The following ARPIN variants were observed in gnomAD, a reference collection of about 807,000 sequenced individuals.
ARPIN encodes the protein actin related protein 2/3 complex inhibitor.
A neutral mutation model predicts 25.9 loss-of-function variants in ARPIN; 23 were observed. The ratio of observed to expected loss-of-function variants is 0.89; its 90% CI spans 0.64 to 1.26. The LOEUF is 1.26. ARPIN is among the 50% of genes most tolerant of loss of function. ARPIN has a pLI of 0.00. For synonymous variants in ARPIN, 126 were observed against 131.4 expected, an observed-to-expected ratio of 0.96 and a Z score of 0.28; for missense variants, 333 against 312.2, an observed-to-expected ratio of 1.07 and a Z score of -0.50.
At chr15:89,907,057 G>GTATT (rs1555449750) in intron 3 of ARPIN, among the ~76,000 whole-genome samples, 1 of 149,316 alleles carries the variant, frequency 6.7e-6, no homozygotes, top group Non-Finnish European at 1.5e-5. Flanking sequence ...CCATCAAAAA[G>GTATT]TATTATTATT....
chr15:89,909,597 T>C (rs1321382647), intron 2 of ARPIN, among the ~76,000 whole-genome samples: 1 of 152,200 alleles, frequency 6.6e-6, no homozygotes, highest in Non-Finnish European at 1.5e-5. Flanking sequence ...CTGAAAGGTT[T>C]CTGAGCAGCA....
chr15:89,907,145 T>C (rs1897135494), intron 3 of ARPIN, among the ~76,000 whole-genome samples: 1 of 151,646 alleles, frequency 6.6e-6, no homozygotes, highest in Admixed American at 6.6e-5. Context: ...CTCGGCTCAC[T>C]GCACCTCCAC....
chr15:89,908,929 G>A (rs1897176349), intron 2 of ARPIN, among the ~76,000 whole-genome samples: 1 of 152,274 alleles, frequency 6.6e-6, no homozygotes, highest in African/African-American at 2.4e-5. Flanking sequence ...GTTGCTGTAA[G>A]CCGAGATCCT....
intron 1 of ARPIN, 36 bp downstream of exon 1, chr15:89,912,708 G>C (rs1256836): frequency 0.77 from 1,016,685 of 1,323,068 alleles, 399,319 homozygotes; most frequent in Non-Finnish European, 0.8. Flanking sequence ...AGCCGGGGCA[G>C]GGGAGGCCGA....
intron 2 of ARPIN, among the ~76,000 whole-genome samples, chr15:89,908,969 T>A (rs1266573510): frequency 6.6e-6 from 1 of 152,090 alleles, no homozygotes; most frequent in Non-Finnish European, 1.5e-5. Context: ...GGAGACAGAA[T>A]GAGACTTCAT....
At position 89,896,633 on chromosome 15, in the gene ARPIN, CGTT is replaced by C. The variant is rs1896935268; in HGVS notation, c.*5159_*5161del. On this transcript the variant is annotated 3_prime_UTR_variant, in exon 6 of 6. Coordinates refer to ENST00000357484, the MANE Select transcript of ARPIN (RefSeq NM_182616.4). ...AAAAAGAATTATTTAATGGAAAAATCGTTGTTAAAATATGGCAAATGGTTATAT... is the reference window on the plus strand; with the variant it reads ...AAAAAGAATTATTTAATGGAAAAATCGTTAAAATATGGCAAATGGTTATAT... The C allele has an allele frequency of 6.6e-6, 1 of 151,816 alleles. No individual in the cohort carries two copies. The highest frequency in any genetic ancestry group is 2.4e-5 in the African/African-American group (1 of 41,322). The allele number at this position is 151,816 out of a possible 1,614,324, so 9.4% of individuals were successfully genotyped here. A position where few individuals can be genotyped will look rare whatever the true frequency, so the allele number is the denominator to read the frequency against.
At chr15:89,909,016 C>A (rs1897177878) in intron 2 of ARPIN, among the ~76,000 whole-genome samples, 2 of 151,996 alleles carry the variant, frequency 1.3e-5, no homozygotes, top group Non-Finnish European at 2.9e-5. Context: ...AAAACCATAA[C>A]CCAAGCCCGA....
chr15:89,902,104 G>C (rs1186070410), intron 5 of ARPIN, among the ~76,000 whole-genome samples: 1 of 152,142 alleles, frequency 6.6e-6, no homozygotes, highest in Admixed American at 6.6e-5. Flanking sequence ...CTGTGACTTC[G>C]TTGCTTCAGA....
rs1896979104 is a variant in ARPIN, at chr15:89,899,220, A to C, written c.*2575T>G. The stretch of plus-strand genomic sequence containing the variant: ...TGCCTCAGCCTCCCAAGGCGCTGGA[A>C]CTACAGGCATGTGCCACCATGTCCG... On this transcript the variant is annotated 3_prime_UTR_variant, in exon 6 of 6. Transcript: ENST00000357484. 1 of 152,006 alleles carries C rather than the reference A, an allele frequency of 6.6e-6. No homozygotes were observed. Among genetic ancestry groups the C allele is most frequent in the South Asian group, 2.1e-4 (1 of 4,824 alleles). The allele number at this position is 152,006 out of a possible 1,614,324, so 9.4% of individuals were successfully genotyped here.
chr15:89,908,562 G>A, intron 2 of ARPIN, 150 bp from the exon 3 acceptor site: 1 of 1,359,664 alleles, frequency 7.4e-7, no homozygotes, highest in Non-Finnish European at 9.9e-7. Context: ...TGCTCCCTCT[G>A]CCCCCAAATA....
chr15:89,912,117 G>A (rs1237895005), intron 1 of ARPIN: 2 of 855,500 alleles, frequency 2.3e-6, no homozygotes, highest in East Asian at 1.2e-4. Flanking sequence ...CACAGCGCCT[G>A]GTCTGTTCTG....
At chr15:89,908,151 G>A (rs749936527) in intron 3 of ARPIN, 129 bp downstream of exon 3, 15 of 1,449,832 alleles carry the variant, frequency 1.0e-5, no homozygotes, top group Admixed American at 7.0e-5. Context: ...GAAGCCTCAG[G>A]CCACATACAG....
chr15:89,909,610 G>A (rs1897188290), intron 2 of ARPIN, among the ~76,000 whole-genome samples: 1 of 152,230 alleles, frequency 6.6e-6, no homozygotes, highest in Admixed American at 6.5e-5. Context: ...GAGCAGCAGT[G>A]AGACCCTCAG....
At chr15:89,910,328 G>A (rs542281489) in intron 2 of ARPIN, among the ~76,000 whole-genome samples, 2 of 152,258 alleles carry the variant, frequency 1.3e-5, no homozygotes, top group East Asian at 1.9e-4. Context: ...TAAATGCCAG[G>A]TGTACCCACA....
chr15:89,895,448 G>A lies in ARPIN; in HGVS notation c.*6347C>T, dbSNP rs146712648. The A allele has an allele frequency of 6.6e-6, 1 of 152,330 alleles. No individual in the cohort carries two copies. Among genetic ancestry groups the A allele is most frequent in the East Asian group, 1.9e-4 (1 of 5,180 alleles). The allele number at this position is 152,330 out of a possible 1,614,324, so 9.4% of individuals were successfully genotyped here. A position where few individuals can be genotyped will look rare whatever the true frequency, so the allele number is the denominator to read the frequency against. ...ACCACACTGCCCTGATTCAAAGCAT[G>A]GTTCTGCGGACTGCCTGGGCACCCT... On this transcript the variant is annotated 3_prime_UTR_variant, in exon 6 of 6. Coordinates refer to ENST00000357484, the MANE Select transcript of ARPIN (RefSeq NM_182616.4).
Position 89,903,916 on chromosome 15 carries a change from T to C in ARPIN, c.369A>G (p.Pro123=), listed in dbSNP as rs776793896. ...GGCTCTCTGTCAGCGCGAGCAGCTCTGGCTTGTTGACCAGCCCCTTCAGCG... is the reference window on the plus strand; with the variant it reads ...GGCTCTCTGTCAGCGCGAGCAGCTCCGGCTTGTTGACCAGCCCCTTCAGCG... ...PEALKGLVNK[P]ELLALTESLT... The change falls in exon 4 of 6, where the codon CCA becomes CCG. Residue 123 remains proline, a synonymous_variant. Transcript: ENST00000357484. 1.2e-6 allele frequency: 2 copies of C among 1,613,328 alleles called. No individual in the cohort carries two copies. Among genetic ancestry groups the C allele is most frequent in the South Asian group, 2.2e-5 (2 of 91,090 alleles).
rs766646812 is a variant in ARPIN, at chr15:89,903,843, C to G, written c.442G>C (p.Glu148Gln). Reference sequence around the variant, plus strand: ...GCCCCCAGCTCGAGTTCCATCACCTCCATCTCTGACTCGGGCATCCAGAAC... The same window carrying G: ...GCCCCCAGCTCGAGTTCCATCACCTGCATCTCTGACTCGGGCATCCAGAAC... Reference protein sequence around the residue: ...VAFWMPESEMEVMELELGAGV... With the variant: ...VAFWMPESEMQVMELELGAGV... Residue 148 changes from glutamate to glutamine, a missense_variant, in exon 4 of 6, where the codon GAG becomes CAG. By Grantham distance (29) the Glu-to-Gln change is conservative. Coordinates refer to ENST00000357484, the MANE Select transcript of ARPIN (RefSeq NM_182616.4). 6.2e-7 allele frequency: 1 copy of G among 1,614,200 alleles called. No homozygotes were observed. Among genetic ancestry groups the G allele is most frequent in the Non-Finnish European group, 8.5e-7 (1 of 1,180,036 alleles).
At chr15:89,907,348 A>G (rs1205760325) in intron 3 of ARPIN, among the ~76,000 whole-genome samples, 1 of 152,136 alleles carries the variant, frequency 6.6e-6, no homozygotes, top group Admixed American at 6.6e-5. Context: ...GATTATAGGC[A>G]TGAGCCACCA....
At chr15:89,911,872 G>C (rs1897229576) in intron 1 of ARPIN, among the ~76,000 whole-genome samples, 2 of 152,090 alleles carry the variant, frequency 1.3e-5, no homozygotes, top group African/African-American at 2.4e-5. Flanking sequence ...CATCGCCCAG[G>C]ATGGAGTGCA....
Sources: allele counts gnomAD v4.1 joint callset (sites outside exome capture counted in the v4.1 genomes callset), GRCh38; gene constraint gnomAD v4.1.1; transcripts MANE v1.5; gene names NCBI Gene and HGNC (gene_info 2026-07-23, HGNC 2026-07-21).